BMPR1A: variants seen among roughly 807,000 people sequenced by gnomAD.
BMPR1A encodes bone morphogenetic protein receptor type-1A.
In BMPR1A, 7 loss-of-function variants were observed where a neutral mutation model predicts 66.0. The ratio of observed to expected loss-of-function variants is 0.11; its 90% CI spans 0.06 to 0.20. The LOEUF (loss-of-function observed/expected upper bound fraction) is 0.20, where lower values mean the gene tolerates loss of function less well. Ranked by LOEUF, BMPR1A falls within the 10% of genes least tolerant of loss-of-function variation. The pLI is 1.00. For synonymous variants in BMPR1A, 200 were observed against 229.7 expected, an observed-to-expected ratio of 0.87 and a Z score of 1.17; for missense variants, 408 against 669.1, an observed-to-expected ratio of 0.61 and a Z score of 4.31.
At chr10:86,804,451 T>A (rs934246106) in intron 1 of BMPR1A, among the ~76,000 whole-genome samples, 2 of 152,056 alleles carry the variant, frequency 1.3e-5, no homozygotes, top group African/African-American at 4.8e-5. Flanking sequence ...TCTCCTGATC[T>A]CAAACTCATG....
At chr10:86,931,700 G>A (rs1843812595), downstream of BMPR1A, 1 of 152,058 alleles carries the variant, frequency 6.6e-6, no homozygotes, top group Non-Finnish European at 1.5e-5. Flanking sequence ...TCAAGAAATA[G>A]AATTTTCTTT....
chr10:86,757,444 G>C (rs939291648), intron 1 of BMPR1A, among the ~76,000 whole-genome samples: 1 of 152,166 alleles, frequency 6.6e-6, no homozygotes. Context: ...CCTCCGCTCC[G>C]TGGCCTGGTG....
chr10:86,811,590 G>T (rs1484615515), intron 1 of BMPR1A, among the ~76,000 whole-genome samples: 2 of 152,092 alleles, frequency 1.3e-5, no homozygotes, highest in African/African-American at 4.8e-5. Flanking sequence ...CCTGCAAATT[G>T]GCAGCTACAC....
In BMPR1A at chr10:86,789,332, C is replaced by T. The variant is rs193075555; in HGVS notation, c.-268+32413C>T. Among the ~76,000 whole-genome samples, 273 of 152,202 alleles carry T rather than the reference C, an allele frequency of 1.8e-3. 3 individuals carry two copies. Among genetic ancestry groups the T allele is most frequent in the African/African-American group, 6.2e-3 (258 of 41,532 alleles). ...TTAAAAACCTGTGTGCATAAAAGGA[C>T]GCTGTCGAGTGAGAAAACAAGCCAT... On this transcript the variant is annotated intron_variant, in intron 1 of 12. Transcript: ENST00000372037.
chr10:86,757,371 C>T (rs1429644315), intron 1 of BMPR1A, among the ~76,000 whole-genome samples: 1 of 152,184 alleles, frequency 6.6e-6, no homozygotes, highest in Non-Finnish European at 1.5e-5. Flanking sequence ...GCCCCCGAGT[C>T]CCCGCGGGAA....
intron 1 of BMPR1A, among the ~76,000 whole-genome samples, chr10:86,779,969 G>A (rs9988725): frequency 0.082 from 12,416 of 152,076 alleles, 978 homozygotes; most frequent in African/African-American, 0.2. Flanking sequence ...GCAGTAGTGC[G>A]ATCCTAACTC....
chr10:86,899,084 C>G (rs1256677188), intron 5 of BMPR1A, among the ~76,000 whole-genome samples: 1 of 152,218 alleles, frequency 6.6e-6, no homozygotes, highest in Non-Finnish European at 1.5e-5. Flanking sequence ...TGTGTAGTGA[C>G]AAACAGTTCT....
rs2133543335 is a variant in BMPR1A, at chr10:86,912,220, G to A, written c.531-20G>A. ...TAGTTTTTCATTTTTAATGTAGATT[G>A]TTTTCTGCTTTTTTAAAAGACATTA... On this transcript the variant is annotated intron_variant, in intron 7 of 12. Coordinates refer to ENST00000372037, the MANE Select transcript of BMPR1A (RefSeq NM_004329.3). The A allele has an allele frequency of 6.2e-7, 1 of 1,611,982 alleles. No individual in the cohort carries two copies. Among genetic ancestry groups the A allele is most frequent in the Non-Finnish European group, 8.5e-7 (1 of 1,179,600 alleles).
chr10:86,842,397 C>CG (rs1842436599), intron 2 of BMPR1A, among the ~76,000 whole-genome samples: 1 of 151,984 alleles, frequency 6.6e-6, no homozygotes, highest in Admixed American at 6.6e-5. Flanking sequence ...GAGCCCAGAG[C>CG]GGGGTGGAGG....
chr10:86,919,572 T>A, intron 10 of BMPR1A, 103 bp downstream of exon 10: 2 of 1,435,254 alleles, frequency 1.4e-6, no homozygotes, highest in Non-Finnish European at 1.9e-6. Flanking sequence ...GTGCATATGC[T>A]TGTTTTTAGT....
At chr10:86,821,726 A>G (rs1842122405) in intron 1 of BMPR1A, among the ~76,000 whole-genome samples, 1 of 152,146 alleles carries the variant, frequency 6.6e-6, no homozygotes, top group Non-Finnish European at 1.5e-5. Context: ...CGTTGACTTG[A>G]TGATAAGGGG....
intron 1 of BMPR1A, among the ~76,000 whole-genome samples, chr10:86,769,925 T>C (rs1273316208): frequency 6.6e-6 from 1 of 152,104 alleles, no homozygotes; most frequent in Non-Finnish European, 1.5e-5. Context: ...AGGTGGGTAA[T>C]GCAGATGTAA....
At chr10:86,903,604 T>TATTC (rs1288675215) in intron 7 of BMPR1A, among the ~76,000 whole-genome samples, 12 of 151,250 alleles carry the variant, frequency 7.9e-5, no homozygotes, top group Non-Finnish European at 1.6e-4. Context: ...TTATTATTTT[T>TATTC]ATTTATTTAT....
rs535344336 is a variant in BMPR1A at position 86,860,536 on chromosome 10, G to A, written c.-152-15331G>A. On this transcript the variant is annotated intron_variant, in intron 2 of 12. Coordinates refer to ENST00000372037, the MANE Select transcript of BMPR1A (RefSeq NM_004329.3). Reference sequence around the variant, plus strand: ...TGTAATTCCAGCAGTTTGGGAGGCCGAAGCTGGTGGATCACCCGAGATCAA... The same window carrying A: ...TGTAATTCCAGCAGTTTGGGAGGCCAAAGCTGGTGGATCACCCGAGATCAA... 3.0e-4 allele frequency among the ~76,000 whole-genome samples: 46 copies of A among 152,174 alleles called. No individual in the cohort carries two copies. In the East Asian group the frequency reaches 7.2e-3, roughly 24 times the overall value.
intron 1 of BMPR1A, among the ~76,000 whole-genome samples, chr10:86,777,344 C>T (rs987617199): frequency 1.3e-5 from 2 of 151,332 alleles, no homozygotes; most frequent in Admixed American, 1.3e-4. Flanking sequence ...TTTGGGAAGG[C>T]CCAGACAGGA....
chr10:86,785,611 G>GT (rs1841503830), intron 1 of BMPR1A, among the ~76,000 whole-genome samples: 1 of 152,132 alleles, frequency 6.6e-6, no homozygotes, highest in South Asian at 2.1e-4. Flanking sequence ...CGGGTATAGT[G>GT]TTCTTTATGT....
At chr10:86,903,757 A>G (rs1259918167) in intron 7 of BMPR1A, among the ~76,000 whole-genome samples, 2 of 151,486 alleles carry the variant, frequency 1.3e-5, no homozygotes, top group South Asian at 2.1e-4. Flanking sequence ...GACTACAGGC[A>G]CCTGCCACCA....
At chr10:86,873,008 C>T (rs894697940) in intron 2 of BMPR1A, among the ~76,000 whole-genome samples, 3 of 152,102 alleles carry the variant, frequency 2.0e-5, no homozygotes, top group African/African-American at 7.2e-5. Context: ...GTAGCAGGGT[C>T]GTGGATGTTT....
chr10:86,840,783 C>T (rs971733090), intron 2 of BMPR1A, among the ~76,000 whole-genome samples: 5 of 152,184 alleles, frequency 3.3e-5, no homozygotes, highest in African/African-American at 4.8e-5. Context: ...AGTGCTGTTT[C>T]GGATTCCTCA....
Sources: allele counts gnomAD v4.1 joint callset (sites outside exome capture counted in the v4.1 genomes callset), GRCh38; gene constraint gnomAD v4.1.1; transcripts MANE v1.5; gene names NCBI Gene and HGNC (gene_info 2026-07-23, HGNC 2026-07-21).